GABPB1: variants seen among roughly 807,000 people sequenced by gnomAD.
GABPB1 encodes the protein GA-binding protein subunit beta-1.
GABPB1 carries 15 observed loss-of-function variants against 45.9 expected under a neutral mutation model. The observed-to-expected ratio is 0.33, with a 90% CI of 0.22 to 0.50. The LOEUF (loss-of-function observed/expected upper bound fraction) is 0.50, where lower values mean the gene tolerates loss of function less well. Ranked by LOEUF, GABPB1 falls within the 20% of genes least tolerant of loss-of-function variation. The pLI, the probability that GABPB1 is intolerant of heterozygous loss-of-function variation, is 0.98. For missense variants in GABPB1, 252 were observed against 457.5 expected (o/e 0.55, Z 4.10); for synonymous variants, 143 against 154.4 (o/e 0.93, Z 0.55).
At chr15:50,327,570 C>T (rs2047812684) in intron 1 of GABPB1, among the ~76,000 whole-genome samples, 1 of 152,162 alleles carries the variant, frequency 6.6e-6, no homozygotes, top group African/African-American at 2.4e-5. Flanking sequence ...CCCACCAATA[C>T]AATCATTCTG....
intron 2 of GABPB1, among the ~76,000 whole-genome samples, chr15:50,304,714 GA>G (rs1230865292): frequency 0.075 from 7,855 of 105,418 alleles, 253 homozygotes; most frequent in Non-Finnish European, 0.11. Flanking sequence ...TTGGTCTAAA[GA>G]AAAAAAAAAA....
chr15:50,324,535 C>T (rs1283218925), intron 1 of GABPB1, among the ~76,000 whole-genome samples: 9 of 147,406 alleles, frequency 6.1e-5, no homozygotes, highest in Non-Finnish European at 1.3e-4. Flanking sequence ...CCAATGTCTC[C>T]GTGGCTTTTT....
chr15:50,345,504 G>A (rs2048532839), intron 1 of GABPB1, among the ~76,000 whole-genome samples: 1 of 152,120 alleles, frequency 6.6e-6, no homozygotes, highest in African/African-American at 2.4e-5. Context: ...GGAGGTCAAG[G>A]CTGCAGTGAG....
intron 6 of GABPB1, 41 bp from the exon 7 acceptor site, chr15:50,289,709 G>A (rs78285271): frequency 0.012 from 17,872 of 1,470,128 alleles, 154 homozygotes; most frequent in Non-Finnish European, 0.015. Context: ...CATATGTAAC[G>A]GTATGAATAG....
At chr15:50,354,696 T>C (rs1017162652) in intron 1 of GABPB1, 10 of 372,464 alleles carry the variant, frequency 2.7e-5, no homozygotes, top group Non-Finnish European at 4.1e-5. Flanking sequence ...GGCCGCGGCA[T>C]GCTAGGGCCG....
chr15:50,288,194 G>C (rs1367828282), intron 7 of GABPB1, among the ~76,000 whole-genome samples: 4 of 152,166 alleles, frequency 2.6e-5, no homozygotes, highest in African/African-American at 9.7e-5. Context: ...TGGGACTACA[G>C]GCTCACACTA....
rs770609454 is a variant in GABPB1 at position 50,303,093 on chromosome 15, A to G, written c.307T>C (p.Leu103=). 4 of 1,612,888 alleles carry G rather than the reference A, an allele frequency of 2.5e-6. No individual in the cohort carries two copies. Among genetic ancestry groups the G allele is most frequent in the Non-Finnish European group, 3.4e-6 (4 of 1,179,830 alleles). Residue 103 remains leucine, a synonymous_variant, in exon 4 of 9, where the codon TTA becomes CTA. Transcript: ENST00000380877. ...GCCCAATGGAGAGCTGTCATCTTTA[A>G]CATGTCCTTTGCATTGACATCAGCA... ...HGADVNAKDM[L]KMTALHWATE...
intron 1 of GABPB1, among the ~76,000 whole-genome samples, chr15:50,315,873 G>C (rs1483298806): frequency 6.6e-6 from 1 of 152,138 alleles, no homozygotes; most frequent in East Asian, 1.9e-4. Flanking sequence ...CCAGGAGTTT[G>C]AGACCAGCCT....
intron 1 of GABPB1, among the ~76,000 whole-genome samples, chr15:50,333,008 G>T (rs1319682982): frequency 6.6e-6 from 1 of 151,764 alleles, no homozygotes; most frequent in Non-Finnish European, 1.5e-5. Flanking sequence ...TGTCCAATAT[G>T]GTGCATGTGG....
chr15:50,284,109 A>G (rs1329683942), intron 8 of GABPB1, among the ~76,000 whole-genome samples: 3 of 152,268 alleles, frequency 2.0e-5, no homozygotes, highest in Admixed American at 6.5e-5. Flanking sequence ...TTAATGGCCA[A>G]GCTGTCCCTT....
Position 50,355,146 on chromosome 15 carries a change from A to C in GABPB1, c.-162T>G, listed in dbSNP as rs1440446876. 1.3e-5 allele frequency: 2 copies of C among 153,052 alleles called. No homozygotes were observed. The highest frequency in any genetic ancestry group is 1.9e-4 in the East Asian group (1 of 5,182). 9.5% of individuals were successfully genotyped at this position (153,052 alleles called of 1,614,324 possible). A position where few individuals can be genotyped will look rare whatever the true frequency, so the allele number is the denominator to read the frequency against. The stretch of plus-strand genomic sequence containing the variant: ...AAATGCCGCGTCTGGTCGGCGCCCA[A>C]AATCCCCACCGAAAAGTCCCCCGTG... On this transcript the variant is annotated 5_prime_UTR_variant, in exon 1 of 9. Coordinates refer to ENST00000380877, the MANE Select transcript of GABPB1 (RefSeq NM_016654.5).
chr15:50,350,880 G>A (rs1204138985), intron 1 of GABPB1: 2 of 152,152 alleles, frequency 1.3e-5, no homozygotes, highest in Non-Finnish European at 2.9e-5. Flanking sequence ...CCTTCTGCAT[G>A]ACAGAACTCC....
chr15:50,318,105 C>T (rs913954363), intron 1 of GABPB1, among the ~76,000 whole-genome samples: 1 of 152,136 alleles, frequency 6.6e-6, no homozygotes, highest in African/African-American at 2.4e-5. Context: ...TCTTTATCTA[C>T]ATTGTCTCAT....
intron 6 of GABPB1, among the ~76,000 whole-genome samples, chr15:50,297,651 A>G (rs1447559460): frequency 3.3e-5 from 5 of 152,222 alleles, no homozygotes; most frequent in Admixed American, 2.0e-4. Context: ...CCTGGCCAAC[A>G]TGGCGAAACC....
chr15:50,307,102 T>C (rs530308890), intron 2 of GABPB1, among the ~76,000 whole-genome samples: 1 of 152,154 alleles, frequency 6.6e-6, no homozygotes, highest in Non-Finnish European at 1.5e-5. Flanking sequence ...TGCTACATCA[T>C]ATACTATGCA....
At chr15:50,285,175 C>A (rs115273853) in intron 8 of GABPB1, among the ~76,000 whole-genome samples, 1 of 152,142 alleles carries the variant, frequency 6.6e-6, no homozygotes, top group African/African-American at 2.4e-5. Flanking sequence ...TTACTACAAA[C>A]ACGTATCAGA....
At chr15:50,327,647 T>C (rs2047815491) in intron 1 of GABPB1, among the ~76,000 whole-genome samples, 1 of 152,214 alleles carries the variant, frequency 6.6e-6, no homozygotes, top group South Asian at 2.1e-4. Context: ...CTCATGCCTG[T>C]AATCCCAGCA....
chr15:50,295,541 G>C (rs2046481618), intron 6 of GABPB1, among the ~76,000 whole-genome samples: 1 of 151,698 alleles, frequency 6.6e-6, no homozygotes, highest in Non-Finnish European at 1.5e-5. Flanking sequence ...AGGAAAATGT[G>C]ATTGCTTCTG....
At chr15:50,305,602 T>A (rs1259849054) in intron 2 of GABPB1, among the ~76,000 whole-genome samples, 1 of 152,204 alleles carries the variant, frequency 6.6e-6, no homozygotes, top group Non-Finnish European at 1.5e-5. Context: ...CTTTGTCAAT[T>A]TTTCTTTAAC....
Sources: allele counts gnomAD v4.1 joint callset (sites outside exome capture counted in the v4.1 genomes callset), GRCh38; gene constraint gnomAD v4.1.1; transcripts MANE v1.5; gene names NCBI Gene and HGNC (gene_info 2026-07-23, HGNC 2026-07-21).